The following ZNF217 variants were observed in gnomAD, a reference collection of about 807,000 sequenced individuals.
ZNF217 encodes zinc finger protein 217.
ZNF217 carries 12 observed loss-of-function variants against 73.3 expected under a neutral mutation model. The observed-to-expected ratio is 0.16, with a 90% CI of 0.10 to 0.27. ZNF217 has a LOEUF of 0.27. Among genes scored for constraint, ZNF217 ranks in the 10% least tolerant of loss-of-function variants. ZNF217 has a pLI of 1.00. For synonymous variants in ZNF217, 588 were observed against 516.4 expected (o/e 1.14, Z -1.88); for missense variants, 1,195 against 1,327.8 (o/e 0.90, Z 1.55).
chr20:53,596,303 T>C (rs772031338), upstream of ZNF217, among the ~76,000 whole-genome samples: 36 of 152,316 alleles, frequency 2.4e-4, no homozygotes, highest in Non-Finnish European at 3.8e-4. Flanking sequence ...TGATTATAAT[T>C]CACTGATCTG....
intron 4 of ZNF217, chr20:53,572,721 G>A (rs1988067715): frequency 6.6e-6 from 1 of 152,130 alleles, no homozygotes; most frequent in African/African-American, 2.4e-5. Flanking sequence ...ACTGAAATGT[G>A]CAAAACTGAA....
intron 3 of ZNF217, among the ~76,000 whole-genome samples, chr20:53,577,897 A>G (rs1451049573): frequency 6.6e-6 from 1 of 152,210 alleles, no homozygotes; most frequent in African/African-American, 2.4e-5. Flanking sequence ...GGATCACTTG[A>G]GGTCAGGAGT....
In ZNF217 at chr20:53,569,094, T is replaced by C. The variant is rs1987872592; in HGVS notation, c.*194A>G. On this transcript the variant is annotated 3_prime_UTR_variant, in exon 6 of 6. Coordinates refer to ENST00000371471, the MANE Select transcript of ZNF217 (RefSeq NM_006526.3). ...CCAACTAGTTTGTATTGCTATTTGG[T>C]ACAAAAGTTAACAGAACAACTTTAC... is the stretch of plus-strand genomic sequence containing the variant. The C allele has an allele frequency of 2.4e-6, 3 of 1,270,632 alleles. No homozygotes were observed. Among genetic ancestry groups the C allele is most frequent in the Middle Eastern group, 2.2e-4 (1 of 4,532 alleles). 78.7% of individuals were successfully genotyped at this position (1,270,632 alleles called of 1,614,324 possible).
At chr20:53,573,448 T>C (rs1048205892) in intron 4 of ZNF217, among the ~76,000 whole-genome samples, 4 of 151,872 alleles carry the variant, frequency 2.6e-5, no homozygotes, top group Non-Finnish European at 1.5e-5. Context: ...TATACTTTAC[T>C]TACTTATTAT....
intron 1 of ZNF217, among the ~76,000 whole-genome samples, chr20:53,593,252 C>CG (rs912280318): frequency 2.0e-5 from 3 of 152,080 alleles, no homozygotes; most frequent in African/African-American, 4.8e-5. Flanking sequence ...CCATTGTTTA[C>CG]GGGGGGATGC....
intron 3 of ZNF217, 35 bp from the exon 4 acceptor site, chr20:53,577,315 T>A: frequency 6.5e-7 from 1 of 1,548,642 alleles, no homozygotes; most frequent in Non-Finnish European, 8.7e-7. Flanking sequence ...TATAGAAGTG[T>A]ATGAAAAGCA....
intron 1 of ZNF217, among the ~76,000 whole-genome samples, chr20:53,592,556 C>T (rs2145984694): frequency 7.7e-6 from 1 of 129,638 alleles, no homozygotes; most frequent in East Asian, 2.7e-4. Context: ...TCTTCGGTGG[C>T]CCTACCCAGA....
rs747977237 is a variant in ZNF217 at position 53,575,923 on chromosome 20, C to A, written c.2841G>T (p.Met947Ile). The A allele has an allele frequency of 6.2e-7, 1 of 1,614,182 alleles. No homozygotes were observed. Among genetic ancestry groups the A allele is most frequent in the African/African-American group, 1.3e-5 (1 of 75,034 alleles). The change falls in exon 4 of 6, where the codon ATG becomes ATT. Residue 947 changes from methionine (M) to isoleucine (I), a missense_variant. Physicochemically the swap from Met to Ile is conservative, Grantham distance 10. This residue lies in a region of ZNF217 where 649 missense variants were observed against 642.8 expected (regional missense o/e 1.01). Transcript: ENST00000371471. ...GTAACAGTGATGTGATGCCTCTGAC[C>A]ATATGGTACTTGGGAAGGTCATAGC... ...RRGYDLPKYHMVRGITSLLPQ... is the reference protein window; with the variant it reads ...RRGYDLPKYHIVRGITSLLPQ...
At chr20:53,593,295 C>T (rs1396812942) in intron 1 of ZNF217, among the ~76,000 whole-genome samples, 2 of 152,176 alleles carry the variant, frequency 1.3e-5, no homozygotes. Context: ...CCGCTTCCAA[C>T]TTGCCCCGGC....
upstream of ZNF217, among the ~76,000 whole-genome samples, chr20:53,596,999 G>A (rs752907462): frequency 7.0e-6 from 1 of 143,646 alleles, no homozygotes; most frequent in Non-Finnish European, 1.5e-5. Flanking sequence ...TAATCCTAGT[G>A]ATATAAGGCC....
chr20:53,571,875 T>C (rs539560404), intron 4 of ZNF217, 22 bp from the exon 5 acceptor site: 6 of 1,583,076 alleles, frequency 3.8e-6, no homozygotes, highest in Non-Finnish European at 5.1e-6. Context: ...AAAAAACATA[T>C]TTAGAGTTAA....
At chr20:53,591,585 A>G (rs988442868) in intron 1 of ZNF217, among the ~76,000 whole-genome samples, 3 of 152,258 alleles carry the variant, frequency 2.0e-5, no homozygotes, top group Non-Finnish European at 2.9e-5. Context: ...AAAACGAAAC[A>G]CTATTAGTCT....
rs1433903109 is a variant in ZNF217, at chr20:53,576,033, C to G, written c.2731G>C (p.Glu911Gln). ...CTTTTTGGAAGGGGCTCACCAAATT[C>G]TGCTGCAGTATTGCTGGCACTCCGA... ...CNRSASNTAA[E>Q]FGEPLPKRLK... Residue 911 changes from glutamate (E) to glutamine (Q), a missense_variant, in exon 4 of 6, where the codon GAA becomes CAA. This residue lies in a region of ZNF217 where 649 missense variants were observed against 642.8 expected (regional missense o/e 1.01). Coordinates refer to ENST00000371471, the MANE Select transcript of ZNF217 (RefSeq NM_006526.3). 3 of 1,614,216 alleles carry G rather than the reference C, an allele frequency of 1.9e-6. No individual in the cohort carries two copies. Among genetic ancestry groups the G allele is most frequent in the Admixed American group, 3.3e-5 (2 of 60,034 alleles).
chr20:53,577,405 G>C, intron 3 of ZNF217, 125 bp from the exon 4 acceptor site: 1 of 832,628 alleles, frequency 1.2e-6, no homozygotes, highest in Non-Finnish European at 1.8e-6. Flanking sequence ...TATCACATAG[G>C]ATTTCTCATC....
rs777889946 is a variant in ZNF217, at chr20:53,567,106, TATA to T, written c.*2179_*2181del. On this transcript the variant is annotated 3_prime_UTR_variant, in exon 6 of 6. Coordinates refer to ENST00000371471, the MANE Select transcript of ZNF217 (RefSeq NM_006526.3). ...CCAAATCTATATTTACACTTCCACA[TATA>T]ATAACATAACTTTAAGCTGAAATAT... 1 of 152,502 alleles carries T rather than the reference TATA, an allele frequency of 6.6e-6. No homozygotes were observed. The highest frequency in any genetic ancestry group is 1.5e-5 in the Non-Finnish European group (1 of 68,022). The allele number at this position is 152,502 out of a possible 1,614,324, so 9.4% of individuals were successfully genotyped here.
upstream of ZNF217, among the ~76,000 whole-genome samples, chr20:53,596,975 C>A (rs910633480): frequency 3.3e-5 from 5 of 151,074 alleles, no homozygotes; most frequent in Non-Finnish European, 5.9e-5. Flanking sequence ...AAAATCACAC[C>A]ATTATCTCTA....
intron 1 of ZNF217, among the ~76,000 whole-genome samples, chr20:53,584,182 G>A (rs1257309617): frequency 6.6e-6 from 1 of 152,168 alleles, no homozygotes; most frequent in African/African-American, 2.4e-5. Context: ...GGCAAACATT[G>A]GATAGGCATT....
chr20:53,585,257 G>C (rs145965762), intron 1 of ZNF217, among the ~76,000 whole-genome samples: 1 of 152,014 alleles, frequency 6.6e-6, no homozygotes, highest in Non-Finnish European at 1.5e-5. Context: ...CTACAGTCTC[G>C]GGATTAGAAA....
chr20:53,593,733 G>A (rs1467135366), intron 1 of ZNF217, 23 bp downstream of exon 1: 1 of 151,326 alleles, frequency 6.6e-6, no homozygotes, highest in Middle Eastern at 3.2e-3. Context: ...GGCTGGCGCG[G>A]GCGGGGGGCG....
Sources: gnomAD v4.1 joint callset for allele counts (sites outside exome capture counted in the v4.1 genomes callset) on GRCh38, gnomAD v4.1.1 for gene constraint, gnomAD v4.1.1 regional missense constraint, MANE v1.5 for transcripts, NCBI Gene and HGNC (gene_info 2026-07-23, HGNC 2026-07-21) for gene names.